The following ZNF475 variants were observed in gnomAD, a reference collection of about 807,000 sequenced individuals.
ZNF475 encodes the protein zinc finger protein 475.
chr5:122,171,390 TAC>T, the ZNF475 span, among the ~76,000 whole-genome samples: 2 of 152,184 alleles, frequency 1.3e-5, no homozygotes, highest in Admixed American at 1.3e-4. Flanking sequence ...GGCATCTGTG[TAC>T]ACAGACATAT....
chr5:122,168,006 C>T, the ZNF475 span, among the ~76,000 whole-genome samples: 1 of 152,134 alleles, frequency 6.6e-6, no homozygotes, highest in Non-Finnish European at 1.5e-5. Flanking sequence ...AACTTTCTTG[C>T]TCTATTTATG....
the ZNF475 span, chr5:122,179,824 C>G: frequency 9.9e-6 from 9 of 905,914 alleles, no homozygotes; most frequent in Non-Finnish European, 1.4e-5. Context: ...CTTGTTCAAA[C>G]GACCAAAATC....
chr5:122,172,276 G>A, the ZNF475 span, among the ~76,000 whole-genome samples: 2 of 152,120 alleles, frequency 1.3e-5, no homozygotes, highest in Non-Finnish European at 2.9e-5. Flanking sequence ...CAAGACAACA[G>A]GTATATAATA....
At chr5:122,170,230 T>C in the ZNF475 span, among the ~76,000 whole-genome samples, 1 of 152,168 alleles carries the variant, frequency 6.6e-6, no homozygotes, top group Non-Finnish European at 1.5e-5. Flanking sequence ...AGTTCTCTAG[T>C]TCTCCAGACA....
chr5:122,163,518 A>G, the ZNF475 span, among the ~76,000 whole-genome samples: 1 of 152,210 alleles, frequency 6.6e-6, no homozygotes, highest in African/African-American at 2.4e-5. Context: ...TGCACTTACC[A>G]CAGAAATCTC....
At chr5:122,160,854 A>G in the ZNF475 span, among the ~76,000 whole-genome samples, 1 of 152,236 alleles carries the variant, frequency 6.6e-6, no homozygotes, top group African/African-American at 2.4e-5. Flanking sequence ...GTGATCATGC[A>G]TACTGAATCT....
At chr5:122,170,870 G>T in the ZNF475 span, among the ~76,000 whole-genome samples, 2 of 152,028 alleles carry the variant, frequency 1.3e-5, no homozygotes, top group African/African-American at 4.8e-5. Flanking sequence ...CATCACTCCC[G>T]GGGATTCCAA....
the ZNF475 span, among the ~76,000 whole-genome samples, chr5:122,161,220 A>T: frequency 6.6e-6 from 1 of 152,238 alleles, no homozygotes; most frequent in Admixed American, 6.5e-5. Flanking sequence ...CTACAAATTG[A>T]AGAAAGGGCT....
the ZNF475 span, among the ~76,000 whole-genome samples, chr5:122,161,551 C>T: frequency 6.6e-6 from 1 of 152,068 alleles, no homozygotes; most frequent in Non-Finnish European, 1.5e-5. Context: ...TTTTTTTGGC[C>T]TCTGCTCCTG....
chr5:122,161,704 G>A, the ZNF475 span, among the ~76,000 whole-genome samples: 1 of 152,008 alleles, frequency 6.6e-6, no homozygotes, highest in Admixed American at 6.6e-5. Context: ...GTAGCCCATG[G>A]ATTTTTCTTG....
the ZNF475 span, among the ~76,000 whole-genome samples, chr5:122,173,209 T>C: frequency 2.6e-5 from 4 of 152,348 alleles, no homozygotes; most frequent in Non-Finnish European, 4.4e-5. Context: ...CTTCTTTCTA[T>C]AAACAATATT....
chr5:122,169,021 G>T, the ZNF475 span, among the ~76,000 whole-genome samples: 3 of 152,198 alleles, frequency 2.0e-5, no homozygotes, highest in Admixed American at 1.3e-4. Context: ...ACCTTCAACT[G>T]TTTTCTCAAG....
At chr5:122,172,925 C>T in the ZNF475 span, among the ~76,000 whole-genome samples, 16 of 152,050 alleles carry the variant, frequency 1.1e-4, no homozygotes, top group South Asian at 1.5e-3. Context: ...CCCAGGTACT[C>T]GGGAGGCTGA....
At chr5:122,177,658 T>A in the ZNF475 span, among the ~76,000 whole-genome samples, 3 of 152,192 alleles carry the variant, frequency 2.0e-5, no homozygotes, top group Admixed American at 6.5e-5. Context: ...GGGATTTTTT[T>A]AAATCATGTT....
chr5:122,179,221 G>A, the ZNF475 span, among the ~76,000 whole-genome samples: 1 of 152,050 alleles, frequency 6.6e-6, no homozygotes, highest in Non-Finnish European at 1.5e-5. Context: ...TTAGTTATAC[G>A]AGCTCTTTTT....
chr5:122,174,065 T>C, the ZNF475 span, among the ~76,000 whole-genome samples: 1 of 152,100 alleles, frequency 6.6e-6, no homozygotes, highest in African/African-American at 2.4e-5. Context: ...TCACATAACC[T>C]CCTCAGCCAC....
At chr5:122,160,740 T>A in the ZNF475 span, among the ~76,000 whole-genome samples, 2 of 152,208 alleles carry the variant, frequency 1.3e-5, no homozygotes, top group African/African-American at 4.8e-5. Context: ...CATAACATAG[T>A]TATACTCTCG....
chr5:122,170,544 G>T, the ZNF475 span, among the ~76,000 whole-genome samples: 1 of 152,194 alleles, frequency 6.6e-6, no homozygotes, highest in Non-Finnish European at 1.5e-5. Flanking sequence ...GTTAGGGGTG[G>T]TGTGGAGCTT....
chr5:122,176,292 T>C, the ZNF475 span, among the ~76,000 whole-genome samples: 32 of 151,284 alleles, frequency 2.1e-4, no homozygotes, highest in East Asian at 6.0e-3. Context: ...TTTCATGGTT[T>C]TAAACATTTT....
Sources: gnomAD v4.1 joint callset for allele counts (sites outside exome capture counted in the v4.1 genomes callset) on GRCh38, gnomAD v4.1.1 for gene constraint, MANE v1.5 for transcripts, NCBI Gene and HGNC (gene_info 2026-07-23, HGNC 2026-07-21) for gene names.